DOCK11: variants seen among roughly 807,000 people sequenced by gnomAD.
The protein encoded by DOCK11 is dedicator of cytokinesis protein 11.
A neutral mutation model predicts 169.1 loss-of-function variants in DOCK11; 70 were observed. The observed-to-expected ratio is 0.41, with a 90% confidence interval of 0.34 to 0.51. The LOEUF (loss-of-function observed/expected upper bound fraction) is 0.51, where lower values mean the gene tolerates loss of function less well. Among genes scored for constraint, DOCK11 ranks in the 20% least tolerant of loss-of-function variants. The probability of loss-of-function intolerance (pLI) is 0.10; values close to 1 mark genes in which losing one functional copy is unlikely to be tolerated. For missense variants in DOCK11, 1,166 were observed against 1,538.8 expected, an observed-to-expected ratio of 0.76 and a Z score of 4.05; for synonymous variants, 529 against 541.3, an observed-to-expected ratio of 0.98 and a Z score of 0.32.
At chrX:118,603,974 A>G (rs1186981245) in intron 23 of DOCK11, among the ~76,000 whole-genome samples, 1 of 111,878 alleles carries the variant, frequency 8.9e-6, no homozygotes, top group Non-Finnish European at 1.9e-5. Context: ...TGGTCTTGAT[A>G]CTCTACGCCA....
chrX:118,510,667 C>T (rs2057645288), intron 1 of DOCK11, among the ~76,000 whole-genome samples: 1 of 111,229 alleles, frequency 9.0e-6, no homozygotes, highest in South Asian at 3.8e-4. Context: ...GGTTGCACAT[C>T]ACATAAAATA....
intron 1 of DOCK11, among the ~76,000 whole-genome samples, chrX:118,524,678 G>C (rs997438697): frequency 2.7e-5 from 3 of 111,237 alleles, no homozygotes; most frequent in African/African-American, 9.8e-5. Context: ...AAACCACAAC[G>C]AGATACCACC....
intron 10 of DOCK11, among the ~76,000 whole-genome samples, chrX:118,568,531 T>C (rs2013161979): frequency 9.5e-6 from 1 of 105,411 alleles, no homozygotes; most frequent in Admixed American, 1.1e-4. Flanking sequence ...TGAAATACAA[T>C]TGTGATCTAG....
At chrX:118,672,534 G>A (rs1006559169) in intron 46 of DOCK11, among the ~76,000 whole-genome samples, 10 of 112,987 alleles carry the variant, frequency 8.9e-5, no homozygotes, top group African/African-American at 2.6e-4. Flanking sequence ...CCGGGTTCAC[G>A]CCATTCTCCT....
intron 37 of DOCK11, among the ~76,000 whole-genome samples, chrX:118,638,523 T>TA (rs1266690634): frequency 8.9e-6 from 1 of 112,231 alleles, no homozygotes; most frequent in East Asian, 2.8e-4. Flanking sequence ...ACATAAATGA[T>TA]ACATTATCTA....
In DOCK11 at chrX:118,624,571, C is replaced by T; in HGVS notation, c.3504C>T (p.Leu1168=). 1 of 1,208,873 alleles carries T rather than the reference C, an allele frequency of 8.3e-7. No homozygotes were observed. The highest frequency in any genetic ancestry group is 1.1e-6 in the Non-Finnish European group (1 of 893,621). ...AAGCCAAAATAGCACAATTGTACCTCCCCTTTGTTGGACTACTTTTGGAAA... is the reference window on the plus strand; with the variant it reads ...AAGCCAAAATAGCACAATTGTACCTTCCCTTTGTTGGACTACTTTTGGAAA... The part of the protein sequence containing the change: ...NQQAKIAQLY[L]PFVGLLLENI... The change falls in exon 32 of 53, where the codon CTC becomes CTT. Residue 1168 remains leucine, a synonymous_variant. Coordinates refer to ENST00000276202, the MANE Select transcript of DOCK11 (RefSeq NM_144658.4).
Position 118,618,653 on chromosome X carries a change from G to C in DOCK11, c.3396G>C (p.Glu1132Asp). The C allele has an allele frequency of 8.3e-7, 1 of 1,206,631 alleles. No homozygotes were observed. Among genetic ancestry groups the C allele is most frequent in the Non-Finnish European group, 1.1e-6 (1 of 891,626 alleles). Residue 1132 changes from glutamate (E) to aspartate (D), a missense_variant, in exon 31 of 53, where the codon GAG becomes GAC. By Grantham distance (45) the Glu-to-Asp change is conservative (BLOSUM62 2). Transcript: ENST00000276202. ...CCATTGCTCTTCAGGACAATTATGA[G>C]ATCAGATATACAGCTATCTCTGTTA... ...ETSIALQDNY[E>D]IRYTAISVIK...
chrX:118,532,573 G>A (rs1201399160), intron 1 of DOCK11, among the ~76,000 whole-genome samples: 1 of 109,485 alleles, frequency 9.1e-6, no homozygotes, highest in African/African-American at 3.3e-5. Flanking sequence ...GAGGTCAGGA[G>A]ATCGAGACCA....
chrX:118,507,305 A>G (rs1033096107), intron 1 of DOCK11, among the ~76,000 whole-genome samples: 2 of 112,115 alleles, frequency 1.8e-5, no homozygotes, highest in African/African-American at 6.5e-5. Context: ...CTGAGACAGA[A>G]CATCTTTATT....
Position 118,547,667 on chromosome X carries a change from A to G in DOCK11, c.558+1551A>G, listed in dbSNP as rs1338216608. The stretch of plus-strand genomic sequence containing the variant: ...AGGTCCCACAGCTCCAAGTTTTCAG[A>G]GGTAGGATTTGAACCTAGGCAGGCT... On this transcript the variant is annotated intron_variant, in intron 6 of 52. Transcript: ENST00000276202. Among the ~76,000 whole-genome samples, 4 of 112,521 alleles carry G rather than the reference A, an allele frequency of 3.6e-5. No homozygotes were observed. In the East Asian group the frequency reaches 1.1e-3, roughly 31 times the overall value.
intron 52 of DOCK11, among the ~76,000 whole-genome samples, chrX:118,683,450 C>A (rs1307270768): frequency 5.4e-5 from 6 of 111,619 alleles, no homozygotes; most frequent in Non-Finnish European, 9.4e-5. Context: ...GTTTTTTGTG[C>A]TCCAGTGTCA....
chrX:118,525,116 G>A (rs773593747), intron 1 of DOCK11, among the ~76,000 whole-genome samples: 13 of 109,227 alleles, frequency 1.2e-4, no homozygotes, highest in African/African-American at 4.0e-4. Context: ...CTGCACTCCA[G>A]TCTGGGTGAC....
chrX:118,685,057 C>T (rs2016828341), intron 52 of DOCK11, among the ~76,000 whole-genome samples: 2 of 111,606 alleles, frequency 1.8e-5, no homozygotes, highest in Non-Finnish European at 3.8e-5. Context: ...CTTTAGATTA[C>T]ACAAAATGGA....
chrX:118,620,801 T>A (rs753180699), intron 31 of DOCK11, among the ~76,000 whole-genome samples: 2 of 112,381 alleles, frequency 1.8e-5, no homozygotes, highest in African/African-American at 6.4e-5. Flanking sequence ...AAGGATCTTA[T>A]GCCACGTGGA....
intron 3 of DOCK11, 107 bp downstream of exon 3, chrX:118,543,122 A>G (rs1443701538): frequency 1.7e-6 from 1 of 586,790 alleles, no homozygotes; most frequent in African/African-American, 2.3e-5. Flanking sequence ...ACATAAATGT[A>G]AAATATTTAA....
At chrX:118,630,578 C>T (rs41312576) in intron 35 of DOCK11, 88 bp downstream of exon 35, 27,238 of 529,308 alleles carry the variant, frequency 0.051, 665 homozygotes, top group Non-Finnish European at 0.065. Context: ...TGATCATCAT[C>T]TGGAGGCAGA....
chrX:118,549,223 C>T (rs1484633132), intron 6 of DOCK11, among the ~76,000 whole-genome samples: 1 of 108,963 alleles, frequency 9.2e-6, no homozygotes, highest in Non-Finnish European at 1.9e-5. Context: ...CAGCTCACTG[C>T]AACCTCCACC....
intron 32 of DOCK11, 29 bp from the exon 33 acceptor site, chrX:118,627,475 A>T: frequency 9.1e-7 from 1 of 1,100,907 alleles, no homozygotes; most frequent in Non-Finnish European, 1.3e-6. Context: ...AATTTGTTTA[A>T]ATGACACAGG....
At chrX:118,566,228 T>G (rs1365980469) in intron 8 of DOCK11, 46 bp downstream of exon 8, 1 of 1,104,449 alleles carries the variant, frequency 9.1e-7, no homozygotes, top group Non-Finnish European at 1.2e-6. Flanking sequence ...GCCCTTGTCT[T>G]TAATCCGTGG....
Sources: gnomAD v4.1 joint callset for allele counts (sites outside exome capture counted in the v4.1 genomes callset) on GRCh38, gnomAD v4.1.1 for gene constraint, MANE v1.5 for transcripts, NCBI Gene and HGNC (gene_info 2026-07-23, HGNC 2026-07-21) for gene names.